The following TMEM132E variants were observed in gnomAD, a reference collection of about 807,000 sequenced individuals.
TMEM132E encodes transmembrane protein 132E.
A neutral mutation model predicts 78.5 loss-of-function variants in TMEM132E; 49 were observed. The observed-to-expected ratio is 0.62, with a 90% CI of 0.50 to 0.79. The LOEUF is 0.79. Ranked by LOEUF, TMEM132E falls within the 30% of genes least tolerant of loss-of-function variation. TMEM132E has a pLI of 0.00. For missense variants in TMEM132E, 1,403 were observed against 1,470.9 expected, an observed-to-expected ratio of 0.95 and a Z score of 0.75; for synonymous variants, 715 against 670.6, an observed-to-expected ratio of 1.07 and a Z score of -1.02.
At chr17:34,594,526 G>A (rs1240676387) in intron 1 of TMEM132E, among the ~76,000 whole-genome samples, 1 of 152,226 alleles carries the variant, frequency 6.6e-6, no homozygotes, top group East Asian at 1.9e-4. Flanking sequence ...GTTAATGCAT[G>A]TAAAGTGCTT....
chr17:34,586,818 A>G (rs80333653), intron 1 of TMEM132E, among the ~76,000 whole-genome samples: 2 of 144,016 alleles, frequency 1.4e-5, no homozygotes, highest in African/African-American at 5.2e-5. Context: ...AAAAAAAAAA[A>G]GGGAAGTAGA....
chr17:34,595,414 T>C (rs1324727917), intron 1 of TMEM132E, among the ~76,000 whole-genome samples: 2 of 152,246 alleles, frequency 1.3e-5, no homozygotes, highest in African/African-American at 2.4e-5. Flanking sequence ...ATCCTCATTA[T>C]TGGTACCAGC....
intron 2 of TMEM132E, among the ~76,000 whole-genome samples, chr17:34,627,535 G>A (rs1907201634): frequency 7.1e-6 from 1 of 141,452 alleles, no homozygotes; most frequent in South Asian, 2.2e-4. Flanking sequence ...TCCTAGAGTT[G>A]GGAGAAAAAT....
intron 1 of TMEM132E, among the ~76,000 whole-genome samples, chr17:34,616,900 C>G (rs545059307): frequency 2.0e-5 from 3 of 152,326 alleles, no homozygotes; most frequent in Non-Finnish European, 4.4e-5. Context: ...TAGAAAGATA[C>G]AAAAGCAGCC....
rs1470156255 is a variant in TMEM132E at position 34,626,423 on chromosome 17, G to A, written c.364G>A (p.Val122Met). 1.9e-6 allele frequency: 3 copies of A among 1,613,414 alleles called. No homozygotes were observed. The South Asian group carries it at 3.3e-5, about 18-fold the overall frequency. The change falls in exon 2 of 9, where the codon GTG (valine) becomes ATG (methionine). Residue 122 changes from valine (V) to methionine (M), a missense_variant. By Grantham distance (21) the Val-to-Met change is conservative. Transcript: ENST00000631683. The stretch of plus-strand genomic sequence containing the variant: ...CCTGGACATCCCCGAGCGCCTGACG[G>A]TGAACTGGAAGGTGCGGGCCTTCAT... Reference protein sequence around the residue: ...STLDIPERLTVNWKVRAFIVR... With the variant: ...STLDIPERLTMNWKVRAFIVR...
intron 5 of TMEM132E, among the ~76,000 whole-genome samples, chr17:34,632,379 C>G (rs1340750760): frequency 6.6e-6 from 1 of 152,268 alleles, no homozygotes; most frequent in Non-Finnish European, 1.5e-5. Context: ...GGAGCCAGCC[C>G]TGAGAGGCCC....
rs542245881 is a variant in TMEM132E at position 34,621,500 on chromosome 17, GA to G, written c.68-4626del. 1.5e-3 allele frequency among the ~76,000 whole-genome samples: 221 copies of G among 152,290 alleles called. 1 individual carries two copies. The highest frequency in any genetic ancestry group is 2.1e-3 in the Non-Finnish European group (144 of 68,036). On this transcript the variant is annotated intron_variant, in intron 1 of 8. Transcript: ENST00000631683. The stretch of plus-strand genomic sequence containing the variant: ...AAATACAGCCATATTCTGAGATACG[GA>G]GGGTTAGGATCTCAAGGGCAGGGCA...
At chr17:34,627,131 T>G in intron 2 of TMEM132E, 74 bp downstream of exon 2, 1 of 1,327,216 alleles carries the variant, frequency 7.5e-7, no homozygotes. Flanking sequence ...TGTGGGTGGG[T>G]TGGGGGGTGG....
intron 1 of TMEM132E, among the ~76,000 whole-genome samples, chr17:34,601,632 C>G (rs1354011148): frequency 6.6e-6 from 1 of 152,258 alleles, no homozygotes; most frequent in South Asian, 2.1e-4. Flanking sequence ...GCCATCAGGG[C>G]CCTCCCTGCT....
chr17:34,591,564 G>A (rs535317366), intron 1 of TMEM132E, among the ~76,000 whole-genome samples: 48 of 152,312 alleles, frequency 3.2e-4, no homozygotes, highest in African/African-American at 1.1e-3. Flanking sequence ...TCTGGCCTTG[G>A]CCTCCCAAAG....
chr17:34,638,230 T>C lies in TMEM132E; in HGVS notation c.3223T>C (p.Ter1075GlnextTer6). The C allele has an allele frequency of 6.4e-7, 1 of 1,564,644 alleles. No individual in the cohort carries two copies. Among genetic ancestry groups the C allele is most frequent in the South Asian group, 1.2e-5 (1 of 83,162 alleles). ...CATGCGCAGAATCAAAGAGATTGCA[T>C]AGAGGCGCCAGCCGGAGTAGCAGGG... ...NYMRRIKEIA[*>Q] is the part of the protein sequence containing the mutation. Residue 1075 changes from the stop codon to glutamine (Q), a stop_lost, in exon 9 of 9, where the codon TAG (stop) becomes CAG (glutamine). Coordinates refer to ENST00000631683, the MANE Select transcript of TMEM132E (RefSeq NM_001304438.2).
At chr17:34,585,987 A>G (rs1050574840) in intron 1 of TMEM132E, among the ~76,000 whole-genome samples, 1 of 152,128 alleles carries the variant, frequency 6.6e-6, no homozygotes, top group Non-Finnish European at 1.5e-5. Context: ...AATTTCACCT[A>G]CTTCTCTGGG....
chr17:34,601,957 G>T (rs1960243052), intron 1 of TMEM132E, among the ~76,000 whole-genome samples: 1 of 152,212 alleles, frequency 6.6e-6, no homozygotes, highest in South Asian at 2.1e-4. Context: ...TAGTGGGAGA[G>T]GGGGGACCCC....
At chr17:34,606,335 G>A (rs545352211) in intron 1 of TMEM132E, among the ~76,000 whole-genome samples, 4 of 152,232 alleles carry the variant, frequency 2.6e-5, no homozygotes, top group East Asian at 3.9e-4. Flanking sequence ...CAACAAGAGC[G>A]AAACTCCATC....
At chr17:34,622,521 C>T (rs1266590475) in intron 1 of TMEM132E, among the ~76,000 whole-genome samples, 2 of 152,224 alleles carry the variant, frequency 1.3e-5, no homozygotes, top group Non-Finnish European at 2.9e-5. Context: ...GGTTACTTCC[C>T]CTTCCAGAAA....
At chr17:34,628,150 G>A (rs1449218677) in intron 2 of TMEM132E, among the ~76,000 whole-genome samples, 2 of 152,218 alleles carry the variant, frequency 1.3e-5, no homozygotes, top group African/African-American at 4.8e-5. Flanking sequence ...AACTACTACA[G>A]TTAGGACAGA....
Position 34,638,402 on chromosome 17 carries a change from C to G in TMEM132E, c.*170C>G, listed in dbSNP as rs1177154991. ...CGGGCCGCCTCAGTGTCTGGGCCTT[C>G]CCTCGCCTCACGCCATTACCCTCTT... On this transcript the variant is annotated 3_prime_UTR_variant, in exon 9 of 9. Transcript: ENST00000631683. 5.9e-6 allele frequency: 4 copies of G among 680,070 alleles called. No individual in the cohort carries two copies. The highest frequency in any genetic ancestry group is 9.5e-6 in the Non-Finnish European group (4 of 422,468). The allele number at this position is 680,070 out of a possible 1,614,324, so 42.1% of individuals were successfully genotyped here.
At position 34,600,998 on chromosome 17, in the gene TMEM132E, G is replaced by T. The variant is rs558538961; in HGVS notation, c.67+19855G>T. Among the ~76,000 whole-genome samples the T allele has an allele frequency of 3.3e-5, 5 of 152,296 alleles. No individual in the cohort carries two copies. In the East Asian group the frequency reaches 9.7e-4, roughly 29 times the overall value. On this transcript the variant is annotated intron_variant, in intron 1 of 8. Transcript: ENST00000631683. ...AAGAAGGGCTGGTCTCCACTGGGGA[G>T]CAGGCAGAATCCAGGAGGCCATTGG... is the stretch of plus-strand genomic sequence containing the variant.
At chr17:34,619,861 C>G (rs16970099) in intron 1 of TMEM132E, among the ~76,000 whole-genome samples, 2,643 of 152,362 alleles carry the variant, frequency 0.017, 97 homozygotes, top group African/African-American at 0.06. Flanking sequence ...ACACTGACAT[C>G]TGGTGTGGAT....
Sources: allele counts gnomAD v4.1 joint callset (sites outside exome capture counted in the v4.1 genomes callset), GRCh38; gene constraint gnomAD v4.1.1; transcripts MANE v1.5; gene names NCBI Gene and HGNC (gene_info 2026-07-23, HGNC 2026-07-21).